Variants in APOBEC3F observed in about 807,000 individuals in gnomAD.
APOBEC3F encodes apolipoprotein B mRNA editing enzyme catalytic subunit 3F.
APOBEC3F carries 34 observed loss-of-function variants against 45.8 expected under a neutral mutation model. That is an observed-to-expected ratio of 0.74 (90% CI 0.57 to 0.99). The LOEUF (loss-of-function observed/expected upper bound fraction) is 0.99, where lower values mean the gene tolerates loss of function less well. Among genes scored for constraint, APOBEC3F ranks in the 50% least tolerant of loss-of-function variants. APOBEC3F has a pLI of 0.00. For missense variants in APOBEC3F, 459 were observed against 474.1 expected, an observed-to-expected ratio of 0.97 and a Z score of 0.30; for synonymous variants, 192 against 174.4, an observed-to-expected ratio of 1.10 and a Z score of -0.80.
intron 6 of APOBEC3F, 92 bp downstream of exon 6, chr22:39,052,445 C>T (rs1448772426): frequency 9.5e-6 from 15 of 1,578,628 alleles, no homozygotes; most frequent in African/African-American, 4.0e-5. Context: ...GGCAGTGTCC[C>T]GGGAAGCCTG....
rs1927640475 is a variant in APOBEC3F at position 39,054,847 on chromosome 22, C to A, written c.*2152C>A. Among the ~76,000 whole-genome samples the A allele has an allele frequency of 6.6e-6, 1 of 152,198 alleles. No homozygotes were observed. Among genetic ancestry groups the A allele is most frequent in the Non-Finnish European group, 1.5e-5 (1 of 68,044 alleles). The stretch of plus-strand genomic sequence containing the variant: ...AAATGATCCCTTCATGCTGTGGCCT[C>A]CACAGAAGATGCCCTGGGCCAGGTG... On this transcript the variant is annotated 3_prime_UTR_variant, in exon 7 of 7. Coordinates refer to ENST00000308521, the MANE Select transcript of APOBEC3F (RefSeq NM_145298.6).
intron 2 of APOBEC3F, among the ~76,000 whole-genome samples, chr22:39,043,657 A>T (rs1193872120): frequency 6.6e-6 from 1 of 151,932 alleles, no homozygotes; most frequent in African/African-American, 2.4e-5. Context: ...TTACTTCAAC[A>T]TTAATTAACA....
chr22:39,046,439 T>C (rs1178940848), intron 4 of APOBEC3F, among the ~76,000 whole-genome samples: 4 of 152,136 alleles, frequency 2.6e-5, no homozygotes, highest in African/African-American at 9.6e-5. Context: ...GCCCTGACTC[T>C]CACAGCCCCT....
rs1927549899 is a variant in APOBEC3F, at chr22:39,052,565, G to GT, written c.1004-6dup. 2.5e-6 allele frequency: 4 copies of GT among 1,610,466 alleles called. No homozygotes were observed. The highest frequency in any genetic ancestry group is 4.5e-5 in the East Asian group (2 of 44,884). On this transcript the variant is annotated splice_polypyrimidine_tract_variant and intron_variant, in intron 6 of 6. Transcript: ENST00000308521. ...GCTGGGCCCTCACTGCTTTCTCCTTGTTTTTTCTCAGATTTTAAATATTGT... is the reference window on the plus strand; with the variant it reads ...GCTGGGCCCTCACTGCTTTCTCCTTGTTTTTTTCTCAGATTTTAAATATTGT...
Position 39,054,999 on chromosome 22 carries a change from C to G in APOBEC3F, c.*2304C>G, listed in dbSNP as rs1475730270. On this transcript the variant is annotated 3_prime_UTR_variant, in exon 7 of 7. Transcript: ENST00000308521. Reference sequence around the variant, plus strand: ...GCCGCTCCTCCTGGATGGCAGGGATCCCTTCTGGCTGTGTCCTCTGTGGCC... The same window carrying G: ...GCCGCTCCTCCTGGATGGCAGGGATGCCTTCTGGCTGTGTCCTCTGTGGCC... Among the ~76,000 whole-genome samples, 2 of 152,080 alleles carry G rather than the reference C, an allele frequency of 1.3e-5. No individual in the cohort carries two copies. Among genetic ancestry groups the G allele is most frequent in the East Asian group, 1.9e-4 (1 of 5,168 alleles).
intron 5 of APOBEC3F, among the ~76,000 whole-genome samples, chr22:39,050,998 C>T (rs1016456775): frequency 3.3e-5 from 5 of 151,668 alleles, no homozygotes; most frequent in South Asian, 2.1e-4. Flanking sequence ...CAGCACTTAG[C>T]GAGGCTGAGG....
chr22:39,045,628 C>T (rs1927179622), intron 4 of APOBEC3F, 86 bp downstream of exon 4: 3 of 1,595,254 alleles, frequency 1.9e-6, no homozygotes, highest in Admixed American at 1.7e-5. Context: ...GGCCCTCCTG[C>T]CCTCCGTCCT....
chr22:39,045,837 T>A (rs1927190260), intron 4 of APOBEC3F, among the ~76,000 whole-genome samples: 1 of 151,876 alleles, frequency 6.6e-6, no homozygotes, highest in African/African-American at 2.4e-5. Context: ...CTCCCTGGCA[T>A]AATCGAATTT....
chr22:39,051,410 G>A lies in APOBEC3F; in HGVS notation c.724-664G>A, dbSNP rs545813540. Among the ~76,000 whole-genome samples the A allele has an allele frequency of 1.1e-3, 165 of 147,446 alleles. 2 individuals carry two copies. The highest frequency in any genetic ancestry group is 3.5e-3 in the African/African-American group (139 of 40,076). Reference sequence around the variant, plus strand: ...AAATTAGCCAGGCGTGGTGGCGGGCGCCTGTAGTCCCAGCTACTTGGGAGG... The same window carrying A: ...AAATTAGCCAGGCGTGGTGGCGGGCACCTGTAGTCCCAGCTACTTGGGAGG... On this transcript the variant is annotated intron_variant, in intron 5 of 6. Transcript: ENST00000308521.
Position 39,052,983 on chromosome 22 carries a change from C to A in APOBEC3F, c.*288C>A. The A allele has an allele frequency of 1.1e-5, 4 of 377,896 alleles. No homozygotes were observed. The highest frequency in any genetic ancestry group is 6.1e-5 in the East Asian group (1 of 16,406). The allele number at this position is 377,896 out of a possible 1,614,324, so 23.4% of individuals were successfully genotyped here. ...CCTTTTCCCATCTCCCCAGCATAACCTAATATTTTTTTTTTTTTTTTGAGA... is the reference window on the plus strand; with the variant it reads ...CCTTTTCCCATCTCCCCAGCATAACATAATATTTTTTTTTTTTTTTTGAGA... On this transcript the variant is annotated 3_prime_UTR_variant, in exon 7 of 7. Transcript: ENST00000308521.
At chr22:39,046,902 A>G (rs1386984577) in intron 4 of APOBEC3F, among the ~76,000 whole-genome samples, 1 of 152,166 alleles carries the variant, frequency 6.6e-6, no homozygotes, top group East Asian at 1.9e-4. Context: ...TCCAGGAAGC[A>G]CAATAGAAAA....
intron 5 of APOBEC3F, among the ~76,000 whole-genome samples, chr22:39,050,954 A>T (rs751863287): frequency 6.6e-6 from 1 of 152,188 alleles, no homozygotes; most frequent in African/African-American, 2.4e-5. Flanking sequence ...TAAAGAAGGA[A>T]GGGGCCGAGT....
intron 5 of APOBEC3F, among the ~76,000 whole-genome samples, chr22:39,051,110 C>A (rs955567132): frequency 6.6e-5 from 10 of 151,580 alleles, no homozygotes; most frequent in African/African-American, 2.2e-4. Context: ...GGGGGTGTGC[C>A]CCTGTAGTCC....
chr22:39,052,914 A>G lies in APOBEC3F; in HGVS notation c.*219A>G. 2 of 1,055,328 alleles carry G rather than the reference A, an allele frequency of 1.9e-6. No individual in the cohort carries two copies. Among genetic ancestry groups the G allele is most frequent in the East Asian group, 3.2e-5 (1 of 31,562 alleles). 65.4% of individuals were successfully genotyped at this position (1,055,328 alleles called of 1,614,324 possible). On this transcript the variant is annotated 3_prime_UTR_variant, in exon 7 of 7. Coordinates refer to ENST00000308521, the MANE Select transcript of APOBEC3F (RefSeq NM_145298.6). ...TTTCTGCCTCCATGGCTATCCATCC[A>G]CCCACCAAGACCCTGTTCCCTGAGC... is the stretch of plus-strand genomic sequence containing the variant.
rs1321326189 is a variant in APOBEC3F at position 39,045,445 on chromosome 22, G to A, written c.469G>A (p.Glu157Lys). 8 of 1,614,128 alleles carry A rather than the reference G, an allele frequency of 5.0e-6. No homozygotes were observed. The highest frequency in any genetic ancestry group is 6.8e-6 in the Non-Finnish European group (8 of 1,180,002). The change falls in exon 4 of 7, where the codon GAA (glutamate) becomes AAA (lysine). Residue 157 changes from glutamate to lysine, a missense_variant. By Grantham distance (56) the Glu-to-Lys change is moderately conservative. Transcript: ENST00000308521. The part of the protein sequence containing the change: ...MDDEEFAYCW[E>K]NFVYSEGQPF... ...CGTCTCAGAATTTGCATACTGCTGG[G>A]AAAACTTTGTGTACAGTGAAGGTCA...
rs1927126554 is a variant in APOBEC3F at position 39,044,924 on chromosome 22, C to T, written c.172-17C>T. On this transcript the variant is annotated splice_polypyrimidine_tract_variant and intron_variant, in intron 2 of 6. Coordinates refer to ENST00000308521, the MANE Select transcript of APOBEC3F (RefSeq NM_145298.6). Reference sequence around the variant, plus strand: ...TCCCCCTCTCAGAGCATCCCCTGCCCCCTGCTCCTCTCCCAGGTGTATTCC... The same window carrying T: ...TCCCCCTCTCAGAGCATCCCCTGCCTCCTGCTCCTCTCCCAGGTGTATTCC... 1.9e-6 allele frequency: 3 copies of T among 1,610,488 alleles called. No individual in the cohort carries two copies. The South Asian group carries it at 3.3e-5, about 18-fold the overall frequency.
chr22:39,048,491 G>A (rs778869901), intron 4 of APOBEC3F, among the ~76,000 whole-genome samples: 1 of 152,102 alleles, frequency 6.6e-6, no homozygotes, highest in Non-Finnish European at 1.5e-5. Context: ...TGGCCAACAT[G>A]GTGAAACCCA....
intron 4 of APOBEC3F, 74 bp downstream of exon 4, chr22:39,045,616 C>T (rs1335515570): frequency 2.1e-5 from 34 of 1,604,884 alleles, no homozygotes; most frequent in African/African-American, 9.4e-5. Flanking sequence ...CTCCCCTGGC[C>T]AGGCCCTCCT....
chr22:39,042,091 C>T (rs777408291), intron 1 of APOBEC3F, among the ~76,000 whole-genome samples: 2 of 152,194 alleles, frequency 1.3e-5, no homozygotes, highest in Non-Finnish European at 1.5e-5. Context: ...TCTCTCTGCG[C>T]CTCTGGCACC....
Sources: gnomAD v4.1 joint callset for allele counts (sites outside exome capture counted in the v4.1 genomes callset) on GRCh38, gnomAD v4.1.1 for gene constraint, MANE v1.5 for transcripts, NCBI Gene and HGNC (gene_info 2026-07-23, HGNC 2026-07-21) for gene names.